Variants in NXN observed in about 807,000 individuals in gnomAD.
The protein encoded by NXN is nucleoredoxin.
Under a neutral mutation model 48.6 loss-of-function variants are expected in NXN, and 16 were observed. The observed-to-expected ratio is 0.33, with a 90% confidence interval of 0.22 to 0.50. NXN has a LOEUF of 0.50. Among genes scored for constraint, NXN ranks in the 20% least tolerant of loss-of-function variants. NXN has a pLI of 0.98. For synonymous variants in NXN, 281 were observed against 269.6 expected (o/e 1.04, Z -0.41); for missense variants, 492 against 605.5 (o/e 0.81, Z 1.97).
chr17:965,618 C>T (rs1025248769), intron 1 of NXN, among the ~76,000 whole-genome samples: 1 of 152,240 alleles, frequency 6.6e-6, no homozygotes, highest in South Asian at 2.1e-4. Context: ...ACAGACTCCT[C>T]CTAGCCTGGA....
rs753668063 is a variant in NXN at position 922,259 on chromosome 17, C to T, written c.360+57060G>A. On this transcript the variant is annotated intron_variant, in intron 1 of 7. Transcript: ENST00000336868. ...GAGTTTGAGACCAGCCTGGCCAACACGGTGAAACCTCATCTCTAAAAATAC... is the reference window on the plus strand; with the variant it reads ...GAGTTTGAGACCAGCCTGGCCAACATGGTGAAACCTCATCTCTAAAAATAC... 4.7e-4 allele frequency among the ~76,000 whole-genome samples: 72 copies of T among 151,976 alleles called. 1 individual carries two copies. Among genetic ancestry groups the T allele is most frequent in the Non-Finnish European group, 9.3e-4 (63 of 68,002 alleles).
chr17:825,850 G>GT lies in NXN; in HGVS notation c.478+110dup, dbSNP rs746897081. On this transcript the variant is annotated intron_variant, in intron 2 of 7. Coordinates refer to ENST00000336868, the MANE Select transcript of NXN (RefSeq NM_022463.5). This position sits in a 1 kb window ranked among gnomAD's most constrained non-coding sequence, Gnocchi z 4.1. Reference sequence around the variant, plus strand: ...CATTCTCTACCACGTAAACCCACGTGTATCTATTTCACCAGTACTCTCTCC... The same window carrying GT: ...CATTCTCTACCACGTAAACCCACGTGTTATCTATTTCACCAGTACTCTCTCC... The GT allele has an allele frequency of 1.0e-5, 7 of 692,580 alleles. No homozygotes were observed. Among genetic ancestry groups the GT allele is most frequent in the Non-Finnish European group, 1.8e-5 (7 of 391,506 alleles). 42.9% of individuals were successfully genotyped at this position (692,580 alleles called of 1,614,324 possible). A position where few individuals can be genotyped will look rare whatever the true frequency, so the allele number is the denominator to read the frequency against.
At chr17:896,856 C>CGGGGGGGGCCGGG in intron 1 of NXN, 1 of 1,156,932 alleles carries the variant, frequency 8.6e-7, no homozygotes, top group Non-Finnish European at 1.1e-6. Flanking sequence ...CGGTCCTGAC[C>CGGGGGGGGCCGGG]ACCCGCCCCC....
intron 1 of NXN, among the ~76,000 whole-genome samples, chr17:875,704 C>A (rs1371515924): frequency 6.6e-6 from 1 of 151,550 alleles, no homozygotes; most frequent in Non-Finnish European, 1.5e-5. Context: ...GTGATCCTAC[C>A]ACCTCAGCCT....
At chr17:831,607 C>A (rs148916997) in intron 1 of NXN, among the ~76,000 whole-genome samples, 2,132 of 152,108 alleles carry the variant, frequency 0.014, 53 homozygotes, top group African/African-American at 0.049. Flanking sequence ...TCAAGCAATT[C>A]TCATGCTTCA....
Position 916,017 on chromosome 17 carries a change from G to A in NXN, c.360+63302C>T, listed in dbSNP as rs148374562. Among the ~76,000 whole-genome samples the A allele has an allele frequency of 2.7e-4, 41 of 152,326 alleles. 2 individuals are homozygous for A. The East Asian group carries it at 7.5e-3, about 28-fold the overall frequency. ...GTAAAGGCACTTCTCAAAAGGCAAA[G>A]ATAAAAACACTGAAGCTCTTAAGAG... On this transcript the variant is annotated intron_variant, in intron 1 of 7. Transcript: ENST00000336868.
intron 1 of NXN, among the ~76,000 whole-genome samples, chr17:944,651 G>A (rs368127183): frequency 4.1e-4 from 62 of 152,288 alleles, no homozygotes; most frequent in African/African-American, 1.2e-3. Context: ...CAAGCCAGCC[G>A]GTAGGAGGAG....
At chr17:885,762 G>A (rs1452775250) in intron 1 of NXN, among the ~76,000 whole-genome samples, 1 of 140,472 alleles carries the variant, frequency 7.1e-6, no homozygotes, top group African/African-American at 2.8e-5. Flanking sequence ...CTCACTGCAA[G>A]CTCTGCCTCC....
chr17:935,018 C>A (rs2068894062), intron 1 of NXN, among the ~76,000 whole-genome samples: 1 of 151,396 alleles, frequency 6.6e-6, no homozygotes, highest in African/African-American at 2.4e-5. Context: ...GAGATGGGGT[C>A]TCTCACCCTG....
chr17:807,243 A>AC (rs1911608964), intron 5 of NXN, among the ~76,000 whole-genome samples: 2 of 151,938 alleles, frequency 1.3e-5, no homozygotes, highest in African/African-American at 2.4e-5. Flanking sequence ...CCTTCTCAAA[A>AC]TCCCCCCGGC....
intron 1 of NXN, among the ~76,000 whole-genome samples, chr17:901,255 CCT>C (rs1460889836): frequency 2.6e-5 from 4 of 152,116 alleles, no homozygotes; most frequent in Non-Finnish European, 5.9e-5. Flanking sequence ...ATCCAAAACC[CCT>C]CTGAGCCTCA....
intron 1 of NXN, among the ~76,000 whole-genome samples, chr17:912,636 C>G (rs909573628): frequency 2.6e-5 from 4 of 151,884 alleles, no homozygotes; most frequent in African/African-American, 9.7e-5. Context: ...TTTAAAAGCT[C>G]TTTATGCATT....
At chr17:976,895 T>A (rs568781825) in intron 1 of NXN, among the ~76,000 whole-genome samples, 2 of 152,186 alleles carry the variant, frequency 1.3e-5, no homozygotes, top group African/African-American at 4.8e-5. Context: ...GCCTCCCTAG[T>A]AGCTGGGACT....
chr17:818,833 G>C lies in NXN; in HGVS notation c.820+606C>G, dbSNP rs57107989. Among the ~76,000 whole-genome samples the C allele has an allele frequency of 1.4e-4, 21 of 151,162 alleles. No individual in the cohort carries two copies. The South Asian group carries it at 3.6e-3, about 26-fold the overall frequency. On this transcript the variant is annotated intron_variant, in intron 5 of 7. Transcript: ENST00000336868. ...CCGGGAGGCGGAGCTTGCAGTGAGCGGAGATCGCACCACTGCACTCCAGCC... is the reference window on the plus strand; with the variant it reads ...CCGGGAGGCGGAGCTTGCAGTGAGCCGAGATCGCACCACTGCACTCCAGCC...
At chr17:938,801 T>C (rs1269409853) in intron 1 of NXN, among the ~76,000 whole-genome samples, 1 of 152,108 alleles carries the variant, frequency 6.6e-6, no homozygotes. Flanking sequence ...GGCTCATGCC[T>C]GTAATCCCAG....
Position 979,456 on chromosome 17 carries a change from C to G in NXN, c.223G>C (p.Gly75Arg). Residue 75 changes from glycine (G) to arginine (R), a missense_variant, in exon 1 of 8, where the codon GGG (glycine) becomes CGG (arginine). Transcript: ENST00000336868. ...CGCGGCTCGGGCTCCGCCGCCGCCC[C>G]GGCCCCCGCTCCCGGCCCCGGCCCG... Reference protein sequence around the residue: ...AAGPGPGAGAGAAAEPEPRRR... With the variant: ...AAGPGPGAGARAAAEPEPRRR... 3.3e-6 allele frequency: 4 copies of G among 1,221,748 alleles called. No individual in the cohort carries two copies. The highest frequency in any genetic ancestry group is 5.3e-5 in the South Asian group (2 of 37,388). The allele number at this position is 1,221,748 out of a possible 1,614,324, so 75.7% of individuals were successfully genotyped here.
At chr17:833,701 G>A (rs182075589) in intron 1 of NXN, among the ~76,000 whole-genome samples, 11 of 152,188 alleles carry the variant, frequency 7.2e-5, no homozygotes, top group East Asian at 3.9e-4. Context: ...AACTGATCAC[G>A]GGAGGTCTAC....
chr17:873,629 G>A (rs1310093611), intron 1 of NXN, among the ~76,000 whole-genome samples: 1 of 151,760 alleles, frequency 6.6e-6, no homozygotes, highest in African/African-American at 2.4e-5. Flanking sequence ...GCATCTTCTT[G>A]AGACCTCCTT....
chr17:841,545 GCC>G (rs1914266128), intron 1 of NXN, among the ~76,000 whole-genome samples: 2 of 18,650 alleles, frequency 1.1e-4, no homozygotes, highest in Admixed American at 6.0e-4. Context: ...AGCATCTCAC[GCC>G]GGCGAGCAGG....
Sources: gnomAD v4.1 joint callset for allele counts (sites outside exome capture counted in the v4.1 genomes callset) on GRCh38, gnomAD v4.1.1 for gene constraint, Gnocchi (gnomAD v3.1) non-coding constraint, MANE v1.5 for transcripts, NCBI Gene and HGNC (gene_info 2026-07-23, HGNC 2026-07-21) for gene names.